OR2C3: variants seen among roughly 807,000 people sequenced by gnomAD.
OR2C3 encodes olfactory receptor family 2 subfamily C member 3.
For missense variants in OR2C3, 425 were observed against 401.5 expected, an observed-to-expected ratio of 1.06 and a Z score of -0.50; for synonymous variants, 178 against 163.4, an observed-to-expected ratio of 1.09 and a Z score of -0.68.
rs1666685469 is a variant in OR2C3, at chr1:247,526,438, A to C, written c.*5111T>G. On this transcript the variant is annotated 3_prime_UTR_variant, in exon 3 of 3. Transcript: ENST00000641802. This position sits in a 1 kb window ranked among gnomAD's most constrained non-coding sequence, Gnocchi z 4.8. ...ATGTTCTGTGATCCCAGAGAGCAGGAAAGGGCAAGGACAAAGAGGGTTTGG... is the reference window on the plus strand; with the variant it reads ...ATGTTCTGTGATCCCAGAGAGCAGGCAAGGGCAAGGACAAAGAGGGTTTGG... The C allele has an allele frequency of 6.5e-6, 1 of 154,666 alleles. No homozygotes were observed. The highest frequency in any genetic ancestry group is 1.4e-5 in the Non-Finnish European group (1 of 69,726). The allele number at this position is 154,666 out of a possible 1,614,324, so 9.6% of individuals were successfully genotyped here. A position where few individuals can be genotyped will look rare whatever the true frequency, so the allele number is the denominator to read the frequency against.
chr1:247,533,041 A>G (rs1667067932), intron 2 of OR2C3, among the ~76,000 whole-genome samples: 1 of 152,232 alleles, frequency 6.6e-6, no homozygotes, highest in South Asian at 2.1e-4. Flanking sequence ...ACCACTGTAC[A>G]GGCATTAAAA....
rs2103322147 is a variant in OR2C3 at position 247,525,247 on chromosome 1, A to C, written c.*6302T>G. The C allele has an allele frequency of 6.6e-6, 1 of 152,202 alleles. No homozygotes were observed. Among genetic ancestry groups the C allele is most frequent in the East Asian group, 1.9e-4 (1 of 5,194 alleles). The allele number at this position is 152,202 out of a possible 1,614,324, so 9.4% of individuals were successfully genotyped here. On this transcript the variant is annotated 3_prime_UTR_variant, in exon 3 of 3. Coordinates refer to ENST00000641802, the MANE Select transcript of OR2C3 (RefSeq NM_198074.6). Reference sequence around the variant, plus strand: ...AAGCCCATACACCAAGCAAACAATCAATCCTATGGCAGACACCAGCTGGGT... The same window carrying C: ...AAGCCCATACACCAAGCAAACAATCCATCCTATGGCAGACACCAGCTGGGT...
rs1330090822 is a variant in OR2C3 at position 247,526,467 on chromosome 1, T to A, written c.*5082A>T. Reference sequence around the variant, plus strand: ...GGCAAGGACAAAGAGGGTTTGGCCATGACCAAGGGTGACTGGTGCTCCATC... The same window carrying A: ...GGCAAGGACAAAGAGGGTTTGGCCAAGACCAAGGGTGACTGGTGCTCCATC... On this transcript the variant is annotated 3_prime_UTR_variant, in exon 3 of 3. Transcript: ENST00000641802. The surrounding 1 kb of genome is among the most constrained non-coding windows in gnomAD (Gnocchi z 4.8). 2 of 157,450 alleles carry A rather than the reference T, an allele frequency of 1.3e-5. No individual in the cohort carries two copies. The highest frequency in any genetic ancestry group is 2.8e-5 in the Non-Finnish European group (2 of 71,524). 9.8% of individuals were successfully genotyped at this position (157,450 alleles called of 1,614,324 possible).
Position 247,532,530 on chromosome 1 carries a change from C to A in OR2C3, c.-19G>T. The A allele has an allele frequency of 1.2e-6, 2 of 1,605,966 alleles. No homozygotes were observed. On this transcript the variant is annotated 5_prime_UTR_variant, in exon 3 of 3. Coordinates refer to ENST00000641802, the MANE Select transcript of OR2C3 (RefSeq NM_198074.6). The stretch of plus-strand genomic sequence containing the variant: ...CCATCATTGTATGCTGGGGGTGGGG[C>A]AAAAGGCCACCTGTGGGAAGAGCAC...
chr1:247,532,875 G>A (rs900779348), intron 2 of OR2C3, among the ~76,000 whole-genome samples: 3 of 6,348 alleles, frequency 4.7e-4, no homozygotes, highest in Non-Finnish European at 1.1e-3. Context: ...AAGACTGGGT[G>A]GGGGGTGTTC....
chr1:247,528,620 A>G lies in OR2C3; in HGVS notation c.*2929T>C, dbSNP rs1289128907. 6.6e-6 allele frequency: 1 copy of G among 152,226 alleles called. No individual in the cohort carries two copies. Among genetic ancestry groups the G allele is most frequent in the Non-Finnish European group, 1.5e-5 (1 of 68,038 alleles). The allele number at this position is 152,226 out of a possible 1,614,324, so 9.4% of individuals were successfully genotyped here. ...ACAGTACCCCTCCAGGTGTTGCTGA[A>G]AGATGGTGAGGAAGGGAAACTTCCC... is the stretch of plus-strand genomic sequence containing the variant. On this transcript the variant is annotated 3_prime_UTR_variant, in exon 3 of 3. Transcript: ENST00000641802.
intron 1 of OR2C3, among the ~76,000 whole-genome samples, 151 bp from the exon 2 acceptor site, chr1:247,534,029 C>T (rs1667116916): frequency 6.6e-6 from 1 of 152,168 alleles, no homozygotes; most frequent in African/African-American, 2.4e-5. Context: ...CCCTTCCTCA[C>T]CTTCTTCAGG....
In OR2C3 at chr1:247,530,847, T is replaced by A. The variant is rs1558241092; in HGVS notation, c.*702A>T. The A allele has an allele frequency of 1.5e-5, 1 of 67,352 alleles. No homozygotes were observed. Among genetic ancestry groups the A allele is most frequent in the Non-Finnish European group, 3.4e-5 (1 of 29,246 alleles). The allele number at this position is 67,352 out of a possible 1,614,324, so 4.2% of individuals were successfully genotyped here. ...CCTCGCCCTCCACAGCCTAACGGCC[T>A]CCGGGCGCATTTGGGCGGCGCCATG... On this transcript the variant is annotated 3_prime_UTR_variant, in exon 3 of 3. Coordinates refer to ENST00000641802, the MANE Select transcript of OR2C3 (RefSeq NM_198074.6).
rs747770729 is a variant in OR2C3, at chr1:247,532,461, G to A, written c.51C>T (p.Gly17=). The change falls in exon 3 of 3, where the codon GGC becomes GGT. Residue 17 remains glycine, a synonymous_variant. Transcript: ENST00000641802. ...TTTCTAGTGAGGGTCGTGTGGAGAAGCCCAGGAGGACAAAGACTTCTGGAG... is the reference window on the plus strand; with the variant it reads ...TTTCTAGTGAGGGTCGTGTGGAGAAACCCAGGAGGACAAAGACTTCTGGAG... ...VSSPEVFVLL[G]FSTRPSLETV... is the part of the protein sequence containing the mutation. 1.9e-6 allele frequency: 3 copies of A among 1,613,982 alleles called. No individual in the cohort carries two copies. The highest frequency in any genetic ancestry group is 2.5e-6 in the Non-Finnish European group (3 of 1,179,864).
At position 247,531,216 on chromosome 1, in the gene OR2C3, AG is replaced by A. The variant is rs904412198; in HGVS notation, c.*332del. 16 of 281,698 alleles carry A rather than the reference AG, an allele frequency of 5.7e-5. No individual in the cohort carries two copies. The highest frequency in any genetic ancestry group is 3.3e-4 in the African/African-American group (15 of 45,034). The allele number at this position is 281,698 out of a possible 1,614,324, so 17.4% of individuals were successfully genotyped here. A position where few individuals can be genotyped will look rare whatever the true frequency, so the allele number is the denominator to read the frequency against. On this transcript the variant is annotated 3_prime_UTR_variant, in exon 3 of 3. Coordinates refer to ENST00000641802, the MANE Select transcript of OR2C3 (RefSeq NM_198074.6). Reference sequence around the variant, plus strand: ...CCCCGCGCGCTCTCAGCGTCGTCAAAGTTTATTATCCACGGAGCGTCCTGGA... The same window carrying A: ...CCCCGCGCGCTCTCAGCGTCGTCAAATTTATTATCCACGGAGCGTCCTGGA...
In OR2C3 at chr1:247,527,347, G is replaced by A. The variant is rs529984376; in HGVS notation, c.*4202C>T. ...CACTCCTGTCCTGAGTTGACACCCA[G>A]CCTTGAGGTCAAGAAGATGACAGAT... is the stretch of plus-strand genomic sequence containing the variant. On this transcript the variant is annotated 3_prime_UTR_variant, in exon 3 of 3. Coordinates refer to ENST00000641802, the MANE Select transcript of OR2C3 (RefSeq NM_198074.6). The surrounding 1 kb of genome is among the most constrained non-coding windows in gnomAD (Gnocchi z 4.6). The A allele has an allele frequency of 3.6e-4, 67 of 188,362 alleles. No homozygotes were observed. The highest frequency in any genetic ancestry group is 1.5e-3 in the African/African-American group (64 of 42,476). The allele number at this position is 188,362 out of a possible 1,614,324, so 11.7% of individuals were successfully genotyped here. A position where few individuals can be genotyped will look rare whatever the true frequency, so the allele number is the denominator to read the frequency against.
chr1:247,526,729 C>T lies in OR2C3; in HGVS notation c.*4820G>A. ...CCAGGTTTTCTGTCCTGTGAGAAGC[C>T]ATCAAAGCCTATGGTTGCTGCAAGA... On this transcript the variant is annotated 3_prime_UTR_variant, in exon 3 of 3. Coordinates refer to ENST00000641802, the MANE Select transcript of OR2C3 (RefSeq NM_198074.6). The surrounding 1 kb of genome is among the most constrained non-coding windows in gnomAD (Gnocchi z 4.8). The T allele has an allele frequency of 2.8e-6, 1 of 355,890 alleles. No individual in the cohort carries two copies. Among genetic ancestry groups the T allele is most frequent in the Admixed American group, 3.9e-5 (1 of 25,888 alleles). The allele number at this position is 355,890 out of a possible 1,614,324, so 22.0% of individuals were successfully genotyped here. A position where few individuals can be genotyped will look rare whatever the true frequency, so the allele number is the denominator to read the frequency against.
chr1:247,535,584 T>A (rs1667187466), intron 1 of OR2C3, among the ~76,000 whole-genome samples: 1 of 152,168 alleles, frequency 6.6e-6, no homozygotes, highest in Admixed American at 6.5e-5. Flanking sequence ...TGACTCACAG[T>A]TGATAACATG....
chr1:247,532,480 T>C lies in OR2C3; in HGVS notation c.32A>G (p.Glu11Gly), dbSNP rs763208283. 14 of 1,613,750 alleles carry C rather than the reference T, an allele frequency of 8.7e-6. No homozygotes were observed. The highest frequency in any genetic ancestry group is 8.5e-7 in the Non-Finnish European group (1 of 1,179,908). MMEIANVSSP[E>G]VFVLLGFSTR... The stretch of plus-strand genomic sequence containing the variant: ...GGAGAAGCCCAGGAGGACAAAGACT[T>C]CTGGAGAACTCACATTGGCTATTTC... The change falls in exon 3 of 3, where the codon GAA becomes GGA. Residue 11 changes from glutamate (E) to glycine (G), a missense_variant. By Grantham distance (98) the Glu-to-Gly change is moderately conservative. Coordinates refer to ENST00000641802, the MANE Select transcript of OR2C3 (RefSeq NM_198074.6).
At chr1:247,532,614 T>C in intron 2 of OR2C3, 74 bp from the exon 3 acceptor site, 1 of 1,107,634 alleles carries the variant, frequency 9.0e-7, no homozygotes, top group Non-Finnish European at 1.3e-6. Context: ...ATTAAAAGTG[T>C]ATTTTAGTTC....
rs1478748264 is a variant in OR2C3 at position 247,530,524 on chromosome 1, C to CG, written c.*1024_*1025insC. The CG allele has an allele frequency of 7.1e-6, 1 of 141,652 alleles. No homozygotes were observed. Among genetic ancestry groups the CG allele is most frequent in the Non-Finnish European group, 1.6e-5 (1 of 62,918 alleles). The allele number at this position is 141,652 out of a possible 1,614,324, so 8.8% of individuals were successfully genotyped here. On this transcript the variant is annotated 3_prime_UTR_variant, in exon 3 of 3. Coordinates refer to ENST00000641802, the MANE Select transcript of OR2C3 (RefSeq NM_198074.6). Reference sequence around the variant, plus strand: ...TCCACAAACACCATGCCATCCCCCCCCCACAAAATAACATTTCCTATGAAT... The same window carrying CG: ...TCCACAAACACCATGCCATCCCCCCCGCCACAAAATAACATTTCCTATGAAT...
At position 247,528,878 on chromosome 1, in the gene OR2C3, GC is replaced by G. The variant is rs1220234177; in HGVS notation, c.*2670del. 1.3e-5 allele frequency: 2 copies of G among 152,236 alleles called. No homozygotes were observed. Among genetic ancestry groups the G allele is most frequent in the East Asian group, 3.9e-4 (2 of 5,186 alleles). 9.4% of individuals were successfully genotyped at this position (152,236 alleles called of 1,614,324 possible). ...ATGAAGATATCTGTCTGACATAAAT[GC>G]CCATGAGAGGGCATCCACTGCAGAG... On this transcript the variant is annotated 3_prime_UTR_variant, in exon 3 of 3. Coordinates refer to ENST00000641802, the MANE Select transcript of OR2C3 (RefSeq NM_198074.6).
At position 247,530,989 on chromosome 1, in the gene OR2C3, G is replaced by T. The variant is rs1278124973; in HGVS notation, c.*560C>A. 6.5e-6 allele frequency: 1 copy of T among 153,800 alleles called. No individual in the cohort carries two copies. The highest frequency in any genetic ancestry group is 2.4e-5 in the African/African-American group (1 of 41,486). The allele number at this position is 153,800 out of a possible 1,614,324, so 9.5% of individuals were successfully genotyped here. On this transcript the variant is annotated 3_prime_UTR_variant, in exon 3 of 3. Transcript: ENST00000641802. Reference sequence around the variant, plus strand: ...ACCCGCGGCCGGCGGGGTCCAGGCTGGGGGAGGCCGCCGCTGCCACCAGGT... The same window carrying T: ...ACCCGCGGCCGGCGGGGTCCAGGCTTGGGGAGGCCGCCGCTGCCACCAGGT...
chr1:247,534,028 A>G (rs6698827), intron 1 of OR2C3, 150 bp from the exon 2 acceptor site: 55,669 of 151,658 alleles, frequency 0.37, 10,538 homozygotes, highest in Middle Eastern at 0.46. Flanking sequence ...CCCCTTCCTC[A>G]CCTTCTTCAG....
Sources: gnomAD v4.1 joint callset for allele counts (sites outside exome capture counted in the v4.1 genomes callset) on GRCh38, gnomAD v4.1.1 for gene constraint, Gnocchi (gnomAD v3.1) non-coding constraint, MANE v1.5 for transcripts, NCBI Gene and HGNC (gene_info 2026-07-23, HGNC 2026-07-21) for gene names.